Variants in TRPM1 observed in about 807,000 individuals in gnomAD.
TRPM1 encodes the protein transient receptor potential cation channel subfamily M member 1, also known as TRPM1-203 APA Isoform, Intron 10.
Under a neutral mutation model 149.4 loss-of-function variants are expected in TRPM1, and 113 were observed. The observed-to-expected ratio is 0.76, with a 90% CI of 0.65 to 0.88. TRPM1 has a LOEUF of 0.88. Ranked by LOEUF, TRPM1 falls within the 40% of genes least tolerant of loss-of-function variation. The pLI, the probability that TRPM1 is intolerant of heterozygous loss-of-function variation, is 0.00. For synonymous variants in TRPM1, 741 were observed against 759.5 expected (o/e 0.98, Z 0.40); for missense variants, 1,976 against 2,038.7 (o/e 0.97, Z 0.59).
intron 1 of TRPM1, among the ~76,000 whole-genome samples, chr15:31,098,756 G>A (rs2035449365): frequency 6.6e-6 from 1 of 152,012 alleles, no homozygotes; most frequent in Admixed American, 6.6e-5. Context: ...CACCCTGGGG[G>A]AGCAGACACA....
chr15:31,081,864 C>A (rs2034867451), intron 1 of TRPM1, among the ~76,000 whole-genome samples: 1 of 152,326 alleles, frequency 6.6e-6, no homozygotes, highest in East Asian at 1.9e-4. Flanking sequence ...TAAGCCAGGT[C>A]ACCCCAGGAG....
At chr15:31,076,810 C>G (rs1380516092) in intron 3 of TRPM1, 95 bp downstream of exon 3, 2 of 989,912 alleles carry the variant, frequency 2.0e-6, no homozygotes, top group East Asian at 2.4e-5. Context: ...TTCTGGCCAC[C>G]CTTCTGGACT....
intron 1 of TRPM1, among the ~76,000 whole-genome samples, chr15:31,149,161 A>G (rs1211328673): frequency 6.6e-6 from 1 of 152,224 alleles, no homozygotes; most frequent in African/African-American, 2.4e-5. Context: ...TGGGGAGGCC[A>G]GGCAAGAAGC....
At chr15:31,071,431 C>A (rs748021837) in intron 3 of TRPM1, among the ~76,000 whole-genome samples, 1 of 151,640 alleles carries the variant, frequency 6.6e-6, no homozygotes, top group Non-Finnish European at 1.5e-5. Context: ...TGCACATGTG[C>A]AGGGCCCTTG....
intron 1 of TRPM1, among the ~76,000 whole-genome samples, chr15:31,149,655 G>A (rs1288785383): frequency 6.6e-6 from 1 of 151,996 alleles, no homozygotes; most frequent in Admixed American, 6.6e-5. Context: ...GAGTAGCTGG[G>A]ACTACAAGCA....
chr15:31,094,748 A>C (rs1442536137), intron 1 of TRPM1, among the ~76,000 whole-genome samples: 2 of 152,258 alleles, frequency 1.3e-5, no homozygotes, highest in African/African-American at 2.4e-5. Context: ...AAGGATGTGG[A>C]GGAATTGGAA....
At chr15:31,104,802 G>A (rs531000991), upstream of TRPM1, among the ~76,000 whole-genome samples, 1 of 152,006 alleles carries the variant, frequency 6.6e-6, no homozygotes, top group East Asian at 1.9e-4. Context: ...CACCGTGTTG[G>A]CCAGGATGGT....
At position 31,032,959 on chromosome 15, in the gene TRPM1, G is replaced by A. The variant is rs1361545676; in HGVS notation, c.2701-19C>T. 6.2e-7 allele frequency: 1 copy of A among 1,613,890 alleles called. No homozygotes were observed. Among genetic ancestry groups the A allele is most frequent in the Non-Finnish European group, 8.5e-7 (1 of 1,180,006 alleles). ...TGAGGATCTGAAAACAAACCCCAAA[G>A]AACAATAAACTGAGATGCCGTATTA... On this transcript the variant is annotated intron_variant, in intron 21 of 27. Coordinates refer to ENST00000256552, the MANE Select transcript of TRPM1 (RefSeq NM_001252024.2).
Position 31,035,617 on chromosome 15 carries a change from C to T in TRPM1, c.2629G>A (p.Gly877Ser). 1 of 1,614,220 alleles carries T rather than the reference C, an allele frequency of 6.2e-7. No homozygotes were observed. Among genetic ancestry groups the T allele is most frequent in the Non-Finnish European group, 8.5e-7 (1 of 1,180,046 alleles). The change falls in exon 21 of 28, where the codon GGC becomes AGC. Residue 877 changes from glycine to serine, a missense_variant. This residue lies in a region of TRPM1 where 1,332 missense variants were observed against 1,347.1 expected (regional missense o/e 0.99). Transcript: ENST00000256552. Reference protein sequence around the residue: ...FNYVILVRMDGWPSLQEWIVI... With the variant: ...FNYVILVRMDSWPSLQEWIVI... The stretch of plus-strand genomic sequence containing the variant: ...ATCCACTCCTGGAGGGACGGCCAGC[C>T]ATCCATCCGCACCAGGATGACGTAG...
At chr15:31,111,709 C>T (rs140317449) in intron 1 of TRPM1, among the ~76,000 whole-genome samples, 368 of 152,330 alleles carry the variant, frequency 2.4e-3, no homozygotes, top group Non-Finnish European at 4.4e-3. Context: ...CCCTCTTCAA[C>T]ACCTGGCGCC....
Position 31,028,190 on chromosome 15 carries a change from A to C in TRPM1, c.3293+142T>G. On this transcript the variant is annotated intron_variant, in intron 25 of 27. Coordinates refer to ENST00000256552, the MANE Select transcript of TRPM1 (RefSeq NM_001252024.2). The stretch of plus-strand genomic sequence containing the variant: ...TAAGACTGATTAAGTTTGAACAAAG[A>C]GACTGCAAAAATTGGATCTACTTAA... 3.1e-6 allele frequency: 3 copies of C among 963,106 alleles called. 1 individual carries two copies. Among genetic ancestry groups the C allele is most frequent in the Non-Finnish European group, 4.9e-6 (3 of 616,094 alleles). 59.7% of individuals were successfully genotyped at this position (963,106 alleles called of 1,614,324 possible).
At chr15:31,159,577 C>T (rs761823435) in intron 1 of TRPM1, among the ~76,000 whole-genome samples, 7 of 152,200 alleles carry the variant, frequency 4.6e-5, no homozygotes, top group South Asian at 2.1e-4. Context: ...CAGATATATG[C>T]GCCTGTCCCC....
chr15:31,051,150 C>T (rs1455030390), intron 11 of TRPM1, among the ~76,000 whole-genome samples: 1 of 152,116 alleles, frequency 6.6e-6, no homozygotes, highest in Non-Finnish European at 1.5e-5. Flanking sequence ...ACTCATTCAT[C>T]AAGGGGAGTG....
At chr15:31,020,645 G>T (rs2032522040) in intron 27 of TRPM1, among the ~76,000 whole-genome samples, 1 of 152,246 alleles carries the variant, frequency 6.6e-6, no homozygotes, top group South Asian at 2.1e-4. Flanking sequence ...AGTCAGTGAT[G>T]TTGATTGTTG....
chr15:31,024,268 T>A (rs1483355970), intron 27 of TRPM1, among the ~76,000 whole-genome samples: 1 of 152,218 alleles, frequency 6.6e-6, no homozygotes, highest in African/African-American at 2.4e-5. Context: ...AATGCTTGAG[T>A]ACTTCAAGTG....
At chr15:31,063,400 A>G in intron 7 of TRPM1, 108 bp from the exon 8 acceptor site, 2 of 1,381,748 alleles carry the variant, frequency 1.4e-6, no homozygotes, top group Non-Finnish European at 1.0e-6. Context: ...GACTTGGGGG[A>G]TGTTCTATCT....
At chr15:31,062,492 C>A in intron 9 of TRPM1, 87 bp downstream of exon 9, 2 of 1,541,652 alleles carry the variant, frequency 1.3e-6, no homozygotes, top group Admixed American at 1.7e-5. Context: ...ATATGAATAA[C>A]CCTGTCATGC....
At chr15:31,067,447 G>A (rs1567030670) in intron 5 of TRPM1, among the ~76,000 whole-genome samples, 1 of 152,136 alleles carries the variant, frequency 6.6e-6, no homozygotes, top group Admixed American at 6.5e-5. Flanking sequence ...GATGTCTAAG[G>A]CCTAAAGCTG....
At chr15:31,012,291 T>C (rs888141279) in intron 27 of TRPM1, among the ~76,000 whole-genome samples, 6 of 152,208 alleles carry the variant, frequency 3.9e-5, no homozygotes, top group African/African-American at 1.4e-4. Flanking sequence ...GTATCCCTCA[T>C]AGTAGGTTTG....
Sources: gnomAD v4.1 joint callset for allele counts (sites outside exome capture counted in the v4.1 genomes callset) on GRCh38, gnomAD v4.1.1 for gene constraint, gnomAD v4.1.1 regional missense constraint, MANE v1.5 for transcripts, NCBI Gene and HGNC (gene_info 2026-07-23, HGNC 2026-07-21) for gene names.